The following SRGAP2C variants were observed in gnomAD, a reference collection of about 807,000 sequenced individuals.
The protein encoded by SRGAP2C is SLIT-ROBO Rho GTPase activating protein 2C.
Under a neutral mutation model 25.1 loss-of-function variants are expected in SRGAP2C, and 15 were observed. The observed-to-expected ratio is 0.60, with a 90% CI of 0.40 to 0.92. The LOEUF (loss-of-function observed/expected upper bound fraction) is 0.92, where lower values mean the gene tolerates loss of function less well. Among genes scored for constraint, SRGAP2C ranks in the 40% least tolerant of loss-of-function variants. The pLI is 0.00. For synonymous variants in SRGAP2C, 44 were observed against 96.6 expected, an observed-to-expected ratio of 0.46 and a Z score of 3.19; for missense variants, 144 against 264.4, an observed-to-expected ratio of 0.54 and a Z score of 3.16.
chr1:121,378,358 A>G (rs1450536170), intron 7 of SRGAP2C, among the ~76,000 whole-genome samples: 2 of 115,196 alleles, frequency 1.7e-5, no homozygotes, highest in Non-Finnish European at 3.5e-5. Context: ...CCATTGCCTC[A>G]GAAAGTTTCT....
rs1180286555 is a variant in SRGAP2C at position 121,221,492 on chromosome 1, C to T, written c.67+33979C>T. On this transcript the variant is annotated intron_variant, in intron 2 of 9. Transcript: ENST00000367123. ...TTGGGAGGCCAAGGCGGGCGGATCA[C>T]GAGATCAGGAGTTCGAGACCAGCCT... 1.1e-4 allele frequency among the ~76,000 whole-genome samples: 8 copies of T among 75,264 alleles called. 3 individuals carry two copies. The highest frequency in any genetic ancestry group is 5.4e-4 in the African/African-American group (8 of 14,684). The allele number at this position is 75,264 out of a possible 152,430, so 49.4% of individuals were successfully genotyped here.
At chr1:121,208,139 C>T (rs587695183) in intron 2 of SRGAP2C, among the ~76,000 whole-genome samples, 4 of 152,300 alleles carry the variant, frequency 2.6e-5, no homozygotes, top group Admixed American at 2.6e-4. Flanking sequence ...TTACATAACC[C>T]AAACAAATAT....
At chr1:121,385,126 G>A (rs1659930843) in intron 8 of SRGAP2C, among the ~76,000 whole-genome samples, 1 of 149,728 alleles carries the variant, frequency 6.7e-6, no homozygotes, top group Admixed American at 6.7e-5. Context: ...GGCAACAGGA[G>A]GGAGCTGCCT....
chr1:121,368,584 G>A lies in SRGAP2C; in HGVS notation c.486+3229G>A, dbSNP rs60703608. ...GTCAGTGCTGAAACTGGAAAAGTTC[G>A]AGGTTAAAAAGGGTTAATTGGTCAC... On this transcript the variant is annotated intron_variant, in intron 5 of 9. Coordinates refer to ENST00000367123, the MANE Select transcript of SRGAP2C (RefSeq NM_001329984.2). Among the ~76,000 whole-genome samples, 471 of 152,158 alleles carry A rather than the reference G, an allele frequency of 3.1e-3. 2 individuals are homozygous for A. The highest frequency in any genetic ancestry group is 4.8e-3 in the Admixed American group (74 of 15,280).
intron 3 of SRGAP2C, among the ~76,000 whole-genome samples, chr1:121,303,975 C>T (rs1428757610): frequency 4.8e-5 from 7 of 145,486 alleles, no homozygotes; most frequent in East Asian, 2.1e-4. Flanking sequence ...GAGGCCGAGG[C>T]GGGCCGATCA....
intron 2 of SRGAP2C, among the ~76,000 whole-genome samples, chr1:121,257,965 G>A (rs1181240251): frequency 3.8e-5 from 5 of 131,334 alleles, no homozygotes; most frequent in Non-Finnish European, 5.1e-5. Context: ...TGTGTGGGGT[G>A]GGGGGGTGGG....
chr1:121,375,705 T>TTAAGTATATAAAG (rs1553352999), intron 7 of SRGAP2C, among the ~76,000 whole-genome samples: 1 of 151,212 alleles, frequency 6.6e-6, no homozygotes, highest in East Asian at 2.0e-4. Context: ...AACTAAAGAG[T>TTAAGTATATAAAG]TACAATGCCA....
At chr1:121,345,717 T>C (rs1553343707) in intron 4 of SRGAP2C, among the ~76,000 whole-genome samples, 1 of 140,782 alleles carries the variant, frequency 7.1e-6, no homozygotes, top group African/African-American at 2.7e-5. Flanking sequence ...CAGTGCGCGA[T>C]CTTGACTCAC....
intron 4 of SRGAP2C, among the ~76,000 whole-genome samples, chr1:121,351,610 AAAATAAATAAATAAATAAAT>A (rs1218821325): frequency 9.6e-6 from 1 of 104,708 alleles, no homozygotes; most frequent in South Asian, 3.2e-4. Context: ...ACTCCATCTC[AAAATAAATAAATAAATAAAT>A]AAATAAATAA....
rs1570725972 is a variant in SRGAP2C, at chr1:121,235,076, C to T, written c.67+47563C>T. Among the ~76,000 whole-genome samples the T allele has an allele frequency of 2.1e-5, 3 of 143,294 alleles. No homozygotes were observed. In the South Asian group the frequency reaches 6.8e-4, roughly 32 times the overall value. 94.0% of individuals were successfully genotyped at this position (143,294 alleles called of 152,430 possible). A position where few individuals can be genotyped will look rare whatever the true frequency, so the allele number is the denominator to read the frequency against. ...TCGCTCCGTCCCCCAGGCTGGAGTG[C>T]AGTGGCTAGATCTCGGCTCGCTGCA... On this transcript the variant is annotated intron_variant, in intron 2 of 9. Coordinates refer to ENST00000367123, the MANE Select transcript of SRGAP2C (RefSeq NM_001329984.2).
intron 7 of SRGAP2C, among the ~76,000 whole-genome samples, chr1:121,378,771 G>A (rs1553354052): frequency 6.6e-6 from 1 of 152,062 alleles, no homozygotes; most frequent in African/African-American, 2.4e-5. Context: ...GTGTGCATAA[G>A]GCATTGAGGA....
intron 2 of SRGAP2C, among the ~76,000 whole-genome samples, chr1:121,198,376 G>T (rs1654893880): frequency 7.5e-6 from 1 of 132,580 alleles, no homozygotes; most frequent in Non-Finnish European, 1.6e-5. Flanking sequence ...TGTGAAAGTT[G>T]GGACCTTATC....
intron 3 of SRGAP2C, among the ~76,000 whole-genome samples, chr1:121,323,483 G>A (rs1261118995): frequency 7.0e-6 from 1 of 142,464 alleles, no homozygotes; most frequent in South Asian, 2.3e-4. Context: ...GGGCGTGGTG[G>A]CAGGTGCCTA....
intron 2 of SRGAP2C, among the ~76,000 whole-genome samples, chr1:121,270,885 C>T (rs1342581376): frequency 1.1e-4 from 16 of 150,982 alleles, no homozygotes; most frequent in Admixed American, 2.0e-4. Flanking sequence ...CTCCGCCTCC[C>T]GGGTTCACGC....
At chr1:121,384,978 A>G in intron 8 of SRGAP2C, among the ~76,000 whole-genome samples, 1 of 152,140 alleles carries the variant, frequency 6.6e-6, no homozygotes, top group East Asian at 1.9e-4. Context: ...GGCCAGGACC[A>G]GTCCTGGAGC....
At chr1:121,293,469 G>A (rs1553337925) in intron 3 of SRGAP2C, among the ~76,000 whole-genome samples, 1 of 144,522 alleles carries the variant, frequency 6.9e-6, no homozygotes, top group Non-Finnish European at 1.5e-5. Flanking sequence ...GAAGGAGGAG[G>A]ACCTGTTAAG....
intron 2 of SRGAP2C, among the ~76,000 whole-genome samples, chr1:121,259,776 G>A (rs1310151194): frequency 1.3e-4 from 20 of 149,778 alleles, no homozygotes; most frequent in African/African-American, 3.7e-4. Flanking sequence ...ACAGTAAGGA[G>A]CATCAAGAAT....
At chr1:121,293,926 A>G (rs1570766352) in intron 3 of SRGAP2C, among the ~76,000 whole-genome samples, 1 of 85,094 alleles carries the variant, frequency 1.2e-5, no homozygotes. Context: ...GATTCATCTC[A>G]CCCTTTTCCA....
chr1:121,324,027 G>A (rs1359701459), intron 3 of SRGAP2C, among the ~76,000 whole-genome samples: 2 of 152,202 alleles, frequency 1.3e-5, no homozygotes, highest in East Asian at 3.8e-4. Flanking sequence ...ATGCAGAACT[G>A]TTGTTCTAGT....
Sources: gnomAD v4.1 joint callset for allele counts (sites outside exome capture counted in the v4.1 genomes callset) on GRCh38, gnomAD v4.1.1 for gene constraint, MANE v1.5 for transcripts, NCBI Gene and HGNC (gene_info 2026-07-23, HGNC 2026-07-21) for gene names.